The following LRRC4C variants were observed in gnomAD, a reference collection of about 807,000 sequenced individuals.
LRRC4C encodes leucine-rich repeat-containing protein 4C.
Under a neutral mutation model 33.6 loss-of-function variants are expected in LRRC4C, and 5 were observed. That is an observed-to-expected ratio of 0.15 (90% CI 0.08 to 0.31). The LOEUF is 0.31. Ranked by LOEUF, LRRC4C falls within the 10% of genes least tolerant of loss-of-function variation. The probability of loss-of-function intolerance (pLI) is 1.00; values close to 1 mark genes in which losing one functional copy is unlikely to be tolerated. For missense variants in LRRC4C, 560 were observed against 796.7 expected (o/e 0.70, Z 3.58); for synonymous variants, 329 against 302.0 (o/e 1.09, Z -0.93).
Position 41,174,160 on chromosome 11 carries a change from A to G in LRRC4C, c.-495-240437T>C, listed in dbSNP as rs77583055. Among the ~76,000 whole-genome samples, 4 of 152,260 alleles carry G rather than the reference A, an allele frequency of 2.6e-5. No individual in the cohort carries two copies. The South Asian group carries it at 6.2e-4, about 24-fold the overall frequency. ...GAATGAACAGGCAAATAAACTGATC[A>G]TAACAACAGCATCATAATTGAACTC... On this transcript the variant is annotated intron_variant, in intron 1 of 6. Transcript: ENST00000528697.
At chr11:41,265,581 A>C (rs1271006950) in intron 1 of LRRC4C, among the ~76,000 whole-genome samples, 1 of 152,124 alleles carries the variant, frequency 6.6e-6, no homozygotes, top group Non-Finnish European at 1.5e-5. Flanking sequence ...CTGAGAGAAA[A>C]AGAAAGAAGG....
chr11:40,310,984 A>ATT (rs1330359265), intron 4 of LRRC4C, among the ~76,000 whole-genome samples: 1 of 152,222 alleles, frequency 6.6e-6, no homozygotes, highest in African/African-American at 2.4e-5. Context: ...CTTAGTTCAA[A>ATT]TTATAGTTTT....
intron 1 of LRRC4C, among the ~76,000 whole-genome samples, chr11:41,292,807 G>T (rs1950028658): frequency 6.6e-6 from 1 of 152,052 alleles, no homozygotes; most frequent in Non-Finnish European, 1.5e-5. Flanking sequence ...TGAATTCCTT[G>T]TTGGGAGAAT....
At chr11:40,721,225 T>C (rs1173137937) in intron 2 of LRRC4C, among the ~76,000 whole-genome samples, 1 of 152,146 alleles carries the variant, frequency 6.6e-6, no homozygotes, top group African/African-American at 2.4e-5. Flanking sequence ...AGGAATTAGA[T>C]CATGAGGGTA....
At chr11:40,825,395 C>A (rs1410579749) in intron 2 of LRRC4C, among the ~76,000 whole-genome samples, 1 of 151,872 alleles carries the variant, frequency 6.6e-6, no homozygotes. Context: ...TGAGGCTGGC[C>A]TCATTGGAGT....
At position 40,514,629 on chromosome 11, in the gene LRRC4C, AT is replaced by A. The variant is rs532949436; in HGVS notation, c.-270+133512del. On this transcript the variant is annotated intron_variant, in intron 3 of 6. Coordinates refer to ENST00000528697, the MANE Select transcript of LRRC4C (RefSeq NM_001258419.2). ...GCTTCTTATTTTATCCTTTATTTTAATTATTTTATAAGGATTTTCCTTCCAT... is the reference window on the plus strand; with the variant it reads ...GCTTCTTATTTTATCCTTTATTTTAATATTTTATAAGGATTTTCCTTCCAT... Among the ~76,000 whole-genome samples the A allele has an allele frequency of 3.6e-3, 543 of 152,128 alleles. 2 individuals carry two copies. The highest frequency in any genetic ancestry group is 6.0e-3 in the Non-Finnish European group (406 of 67,962).
rs759619273 is a variant in LRRC4C, at chr11:40,114,628, A to G, written c.1665T>C (p.His555=). 5.0e-6 allele frequency: 8 copies of G among 1,614,056 alleles called. No homozygotes were observed. Among genetic ancestry groups the G allele is most frequent in the Non-Finnish European group, 5.9e-6 (7 of 1,180,040 alleles). The change falls in exon 7 of 7, where the codon CAT becomes CAC. Residue 555 remains histidine, a synonymous_variant. Coordinates refer to ENST00000528697, the MANE Select transcript of LRRC4C (RefSeq NM_001258419.2). ...VIFYKMRKQH[H]RQNHHAPTRT... is the part of the protein sequence containing the mutation. ...TTGTTGGGGCGTGATGGTTTTGCCG[A>G]TGGTGCTGCTTCCTCATCTTGTAGA...
chr11:41,233,028 G>A (rs998731962), intron 1 of LRRC4C, among the ~76,000 whole-genome samples: 7 of 152,136 alleles, frequency 4.6e-5, no homozygotes, highest in South Asian at 4.1e-4. Context: ...CATTGACAAC[G>A]TGTCCCAGAA....
chr11:40,324,119 A>C (rs1359227569), intron 3 of LRRC4C, among the ~76,000 whole-genome samples: 1 of 152,174 alleles, frequency 6.6e-6, no homozygotes, highest in African/African-American at 2.4e-5. Context: ...CTCACATAGA[A>C]GTGTGAATGT....
chr11:40,786,477 C>T (rs1297126373), intron 2 of LRRC4C, among the ~76,000 whole-genome samples: 2 of 152,190 alleles, frequency 1.3e-5, no homozygotes, highest in East Asian at 3.9e-4. Flanking sequence ...AGTCCCTGAA[C>T]CTGAATCAGA....
intron 1 of LRRC4C, among the ~76,000 whole-genome samples, chr11:41,242,647 T>A (rs1376129410): frequency 6.6e-6 from 1 of 152,158 alleles, no homozygotes; most frequent in African/African-American, 2.4e-5. Flanking sequence ...TAGTGCTGTG[T>A]CTCTGTATCT....
chr11:41,313,904 T>G (rs1950710667), intron 1 of LRRC4C, among the ~76,000 whole-genome samples: 1 of 152,186 alleles, frequency 6.6e-6, no homozygotes, highest in Non-Finnish European at 1.5e-5. Context: ...TAGCCAAAAA[T>G]TGTCACAGTA....
At chr11:40,581,656 C>A (rs555236523) in intron 3 of LRRC4C, among the ~76,000 whole-genome samples, 1 of 152,176 alleles carries the variant, frequency 6.6e-6, no homozygotes, top group East Asian at 1.9e-4. Flanking sequence ...GTAATCCCAG[C>A]ACTTTGGTAG....
At chr11:41,385,224 A>C (rs943229323) in intron 1 of LRRC4C, among the ~76,000 whole-genome samples, 1 of 151,430 alleles carries the variant, frequency 6.6e-6, no homozygotes, top group African/African-American at 2.4e-5. Flanking sequence ...AATAAAAATC[A>C]TGTGGCCAAT....
In LRRC4C at chr11:40,115,458, G is replaced by C; in HGVS notation, c.835C>G (p.Leu279Val). The C allele has an allele frequency of 6.2e-7, 1 of 1,614,186 alleles. No homozygotes were observed. The highest frequency in any genetic ancestry group is 1.1e-5 in the South Asian group (1 of 91,084). The change falls in exon 7 of 7, where the codon CTA becomes GTA. Residue 279 changes from leucine (L) to valine (V), a missense_variant. This residue lies in a region of LRRC4C where 455 missense variants were observed against 643.8 expected (regional missense o/e 0.71). Transcript: ENST00000528697. The surrounding 1 kb of genome is among the most constrained non-coding windows in gnomAD (Gnocchi z 6.7). The part of the protein sequence containing the change: ...LVEINLAHNN[L>V]TLLPHDLFTP... ...AAGAGGTCATGAGGCAGTAATGTTA[G>C]ATTATTGTGTGCCAGGTTGATCTCC...
At chr11:40,759,835 C>A (rs899608708) in intron 2 of LRRC4C, among the ~76,000 whole-genome samples, 1 of 151,598 alleles carries the variant, frequency 6.6e-6, no homozygotes, top group African/African-American at 2.4e-5. Context: ...GAACTTCTAG[C>A]CAATAGAATT....
chr11:40,988,591 T>C (rs1438276731), intron 1 of LRRC4C, among the ~76,000 whole-genome samples: 1 of 152,138 alleles, frequency 6.6e-6, no homozygotes, highest in African/African-American at 2.4e-5. Flanking sequence ...TCATTGATAC[T>C]GCGGTTATTC....
In LRRC4C at chr11:40,885,592, T is replaced by C. The variant is rs1220447803; in HGVS notation, c.-407+48043A>G. 8.5e-5 allele frequency among the ~76,000 whole-genome samples: 13 copies of C among 152,162 alleles called. No homozygotes were observed. The East Asian group carries it at 9.7e-4, about 11-fold the overall frequency. On this transcript the variant is annotated intron_variant, in intron 2 of 6. Transcript: ENST00000528697. ...AATGGTAAACAGCCTCACAGTAAAA[T>C]AGGCAGTATCATCAACAAACTCTCT...
At chr11:41,162,122 T>C (rs1944499163) in intron 1 of LRRC4C, among the ~76,000 whole-genome samples, 1 of 152,146 alleles carries the variant, frequency 6.6e-6, no homozygotes, top group South Asian at 2.1e-4. Context: ...TTTCTTCTTT[T>C]GCCCAGGTAG....
Sources: allele counts gnomAD v4.1 joint callset (sites outside exome capture counted in the v4.1 genomes callset), GRCh38; gene constraint gnomAD v4.1.1; regional missense constraint gnomAD v4.1.1; non-coding constraint Gnocchi (gnomAD v3.1); transcripts MANE v1.5; gene names NCBI Gene and HGNC (gene_info 2026-07-23, HGNC 2026-07-21).